The following MCF2L2 variants were observed in gnomAD, a reference collection of about 807,000 sequenced individuals.
MCF2L2 encodes the protein probable guanine nucleotide exchange factor MCF2L2.
MCF2L2 carries 102 observed loss-of-function variants against 150.2 expected under a neutral mutation model. That is an observed-to-expected ratio of 0.68 (90% CI 0.58 to 0.80). The LOEUF is 0.80. MCF2L2 is among the 30% of genes least tolerant of loss of function. The pLI is 0.00. For synonymous variants in MCF2L2, 465 were observed against 491.3 expected (o/e 0.95, Z 0.71); for missense variants, 1,256 against 1,372.8 (o/e 0.91, Z 1.34).
intron 5 of MCF2L2, among the ~76,000 whole-genome samples, chr3:183,336,179 T>C (rs1730469869): frequency 6.9e-6 from 1 of 145,418 alleles, no homozygotes; most frequent in Admixed American, 6.7e-5. Flanking sequence ...TGTAAAAATA[T>C]TATTCTAAGT....
At chr3:183,253,268 C>T (rs1272285285) in intron 15 of MCF2L2, 1 of 145,228 alleles carries the variant, frequency 6.9e-6, no homozygotes, top group Non-Finnish European at 1.5e-5. Flanking sequence ...CAGCCCGCAT[C>T]CCGCCGGGGA....
intron 1 of MCF2L2, among the ~76,000 whole-genome samples, chr3:183,399,643 C>T (rs1049575519): frequency 2.0e-5 from 3 of 152,216 alleles, no homozygotes; most frequent in Non-Finnish European, 2.9e-5. Flanking sequence ...AGTCTGTTAT[C>T]AGTTCATGCA....
intron 15 of MCF2L2, among the ~76,000 whole-genome samples, chr3:183,239,785 C>T (rs6783373): frequency 0.32 from 49,207 of 152,028 alleles, 8,213 homozygotes; most frequent in African/African-American, 0.4. Context: ...AGGCTTCTGT[C>T]CTTCCTGTTT....
At chr3:183,208,242 G>T (rs1295018589) in intron 22 of MCF2L2, among the ~76,000 whole-genome samples, 1 of 152,134 alleles carries the variant, frequency 6.6e-6, no homozygotes, top group Non-Finnish European at 1.5e-5. Context: ...CTGCATTGCG[G>T]ACCCATGAGC....
chr3:183,334,380 G>A (rs1471742142), intron 5 of MCF2L2, among the ~76,000 whole-genome samples: 1 of 152,134 alleles, frequency 6.6e-6, no homozygotes, highest in East Asian at 1.9e-4. Context: ...TTGGGAAAGT[G>A]GACAACACTT....
intron 14 of MCF2L2, among the ~76,000 whole-genome samples, chr3:183,286,625 G>A (rs1727811927): frequency 6.6e-6 from 1 of 152,202 alleles, no homozygotes; most frequent in African/African-American, 2.4e-5. Flanking sequence ...CACAATGTGT[G>A]AAACACTAAT....
At chr3:183,219,495 C>T (rs1248197902) in intron 21 of MCF2L2, among the ~76,000 whole-genome samples, 3 of 151,988 alleles carry the variant, frequency 2.0e-5, no homozygotes, top group African/African-American at 4.8e-5. Context: ...CCTGTAATCC[C>T]AGCTACTTGG....
chr3:183,287,949 G>A (rs1253568797), intron 14 of MCF2L2: 1 of 152,190 alleles, frequency 6.6e-6, no homozygotes, highest in African/African-American at 2.4e-5. Flanking sequence ...AAGTTCATTT[G>A]AGCCCATGGC....
chr3:183,317,725 G>A (rs1445172751), intron 7 of MCF2L2, among the ~76,000 whole-genome samples: 1 of 152,080 alleles, frequency 6.6e-6, no homozygotes, highest in Non-Finnish European at 1.5e-5. Context: ...GCAGGATCAC[G>A]AGAGGGCAAC....
At position 183,428,493 on chromosome 3, in the gene MCF2L2, G is replaced by A. The variant is rs6777153; in HGVS notation, c.-516C>T. On this transcript the variant is annotated 5_prime_UTR_variant, in exon 1 of 30. Coordinates refer to ENST00000328913, the MANE Select transcript of MCF2L2 (RefSeq NM_015078.4). The surrounding 1 kb of genome is among the most constrained non-coding windows in gnomAD (Gnocchi z 5.1). The stretch of plus-strand genomic sequence containing the variant: ...CCGGGGCTCTCGGGGAGGCACGCAC[G>A]CTCCCAAGCGCCGCTCGTTTTGGGG... 1,155 of 154,318 alleles carry A rather than the reference G, an allele frequency of 7.5e-3. 15 individuals carry two copies. The highest frequency in any genetic ancestry group is 0.026 in the African/African-American group (1,100 of 41,582). 9.6% of individuals were successfully genotyped at this position (154,318 alleles called of 1,614,324 possible).
chr3:183,232,342 C>T (rs1160078758), intron 15 of MCF2L2, among the ~76,000 whole-genome samples: 1 of 152,174 alleles, frequency 6.6e-6, no homozygotes, highest in East Asian at 1.9e-4. Flanking sequence ...TTGACTTTAG[C>T]CTTGTGGGAC....
At chr3:183,364,373 A>G (rs144186261) in intron 3 of MCF2L2, among the ~76,000 whole-genome samples, 5,837 of 151,888 alleles carry the variant, frequency 0.038, 306 homozygotes, top group African/African-American at 0.12. Flanking sequence ...AAAAAAAATT[A>G]GCTGGGCATG....
chr3:183,307,382 G>C (rs1002485149), intron 10 of MCF2L2, among the ~76,000 whole-genome samples: 1 of 152,216 alleles, frequency 6.6e-6, no homozygotes, highest in Non-Finnish European at 1.5e-5. Context: ...TCTCAGTTAC[G>C]ATGAGACAGC....
intron 3 of MCF2L2, among the ~76,000 whole-genome samples, chr3:183,348,836 A>G (rs59610358): frequency 0.085 from 13,006 of 152,252 alleles, 1,251 homozygotes; most frequent in African/African-American, 0.23. Flanking sequence ...CTAAATGTCT[A>G]AGCGTACAAT....
intron 2 of MCF2L2, among the ~76,000 whole-genome samples, chr3:183,383,828 C>G (rs1713676120): frequency 6.6e-6 from 1 of 152,052 alleles, no homozygotes; most frequent in Non-Finnish European, 1.5e-5. Context: ...TAAGTTTTCC[C>G]TTCCTGGGCA....
intron 14 of MCF2L2, 130 bp from the exon 15 acceptor site, chr3:183,277,087 T>C (rs1727200866): frequency 7.9e-6 from 5 of 634,084 alleles, no homozygotes; most frequent in Non-Finnish European, 1.4e-5. Flanking sequence ...CAGTTTCTCA[T>C]GCCGCTTTCT....
rs1729350921 is a variant in MCF2L2 at position 183,311,013 on chromosome 3, C to T, written c.895G>A (p.Asp299Asn). ...TTMERLLVQLDETEKAFSHFW... is the reference protein window; with the variant it reads ...TTMERLLVQLNETEKAFSHFW... ...TGACTAAAGGCTTTTTCTGTTTCAT[C>T]CAGTTGAACTAATAACCTTTCAAGA... The change falls in exon 9 of 30, where the codon GAT (aspartate) becomes AAT (asparagine). Residue 299 changes from aspartate (D) to asparagine (N), a missense_variant. Asp to Asn is a conservative substitution (Grantham distance 23). Coordinates refer to ENST00000328913, the MANE Select transcript of MCF2L2 (RefSeq NM_015078.4). The T allele has an allele frequency of 1.9e-6, 3 of 1,608,204 alleles. No homozygotes were observed. Among genetic ancestry groups the T allele is most frequent in the Non-Finnish European group, 2.6e-6 (3 of 1,174,884 alleles).
chr3:183,292,240 A>G (rs1728194508), intron 13 of MCF2L2, among the ~76,000 whole-genome samples: 1 of 152,166 alleles, frequency 6.6e-6, no homozygotes. Flanking sequence ...CAATTTTCAT[A>G]TAAACAAAAA....
At chr3:183,255,228 T>C (rs370669208) in intron 15 of MCF2L2, among the ~76,000 whole-genome samples, 1 of 152,186 alleles carries the variant, frequency 6.6e-6, no homozygotes. Flanking sequence ...AAGGTAGTTG[T>C]ATTAAGTGGT....
Sources: gnomAD v4.1 joint callset for allele counts (sites outside exome capture counted in the v4.1 genomes callset) on GRCh38, gnomAD v4.1.1 for gene constraint, Gnocchi (gnomAD v3.1) non-coding constraint, MANE v1.5 for transcripts, NCBI Gene and HGNC (gene_info 2026-07-23, HGNC 2026-07-21) for gene names.